SV2C: variants seen among roughly 807,000 people sequenced by gnomAD.
SV2C encodes solute carrier family 22 member B3.
Under a neutral mutation model 79.7 loss-of-function variants are expected in SV2C, and 49 were observed. That is an observed-to-expected ratio of 0.61 (90% confidence interval 0.49 to 0.78). The LOEUF is 0.78. Among genes scored for constraint, SV2C ranks in the 30% least tolerant of loss-of-function variants. SV2C has a pLI of 0.00. For missense variants in SV2C, 833 were observed against 912.9 expected (o/e 0.91, Z 1.13); for synonymous variants, 334 against 333.2 (o/e 1.00, Z -0.03).
chr5:76,058,112 G>C, the SV2C span, among the ~76,000 whole-genome samples: 1 of 152,062 alleles, frequency 6.6e-6, no homozygotes, highest in South Asian at 2.1e-4. Context: ...ACTTTGAGCT[G>C]TGTCTTATGT....
the SV2C span, among the ~76,000 whole-genome samples, chr5:75,969,832 A>T: frequency 6.6e-6 from 1 of 152,102 alleles, no homozygotes; most frequent in African/African-American, 2.4e-5. Flanking sequence ...CCTAATAGAC[A>T]TCTATAGAAC....
the SV2C span, among the ~76,000 whole-genome samples, chr5:75,928,949 G>A: frequency 6.6e-6 from 1 of 152,224 alleles, no homozygotes; most frequent in East Asian, 1.9e-4. Flanking sequence ...GACAGGAAGG[G>A]GAGAATAATT....
the SV2C span, among the ~76,000 whole-genome samples, chr5:75,919,827 C>A: frequency 6.6e-6 from 1 of 152,212 alleles, no homozygotes; most frequent in African/African-American, 2.4e-5. Flanking sequence ...GTACAGCATT[C>A]TCATTGTCTT....
At chr5:76,246,948 A>T (rs1561282079) in intron 4 of SV2C, among the ~76,000 whole-genome samples, 1 of 152,192 alleles carries the variant, frequency 6.6e-6, no homozygotes, top group Non-Finnish European at 1.5e-5. Flanking sequence ...GATGGATGGT[A>T]TGGGTGGAGG....
chr5:76,192,112 T>TA (rs1229613335), intron 2 of SV2C, among the ~76,000 whole-genome samples: 4 of 152,222 alleles, frequency 2.6e-5, no homozygotes, highest in East Asian at 1.9e-4. Flanking sequence ...AACATGTATT[T>TA]AAAAAAATAC....
the SV2C span, among the ~76,000 whole-genome samples, chr5:75,970,590 C>T: frequency 6.6e-6 from 1 of 152,094 alleles, no homozygotes; most frequent in Admixed American, 6.5e-5. Flanking sequence ...TGGATAAATT[C>T]CTCGACACAT....
intron 1 of SV2C, among the ~76,000 whole-genome samples, chr5:76,118,478 G>T (rs899515991): frequency 2.0e-5 from 3 of 152,098 alleles, no homozygotes; most frequent in African/African-American, 4.8e-5. Context: ...AATGGGAAAA[G>T]GATAAAAGAT....
intron 2 of SV2C, among the ~76,000 whole-genome samples, chr5:76,132,706 T>G (rs1748941884): frequency 6.6e-6 from 1 of 152,176 alleles, no homozygotes; most frequent in Non-Finnish European, 1.5e-5. Flanking sequence ...CTGTTATATT[T>G]AACACTTTTC....
the SV2C span, among the ~76,000 whole-genome samples, chr5:76,002,033 A>G: frequency 6.6e-6 from 1 of 151,940 alleles, no homozygotes; most frequent in African/African-American, 2.4e-5. Flanking sequence ...CCCACTTATA[A>G]GTGAGAACGT....
At chr5:76,175,161 C>T (rs949829902) in intron 2 of SV2C, among the ~76,000 whole-genome samples, 1 of 152,208 alleles carries the variant, frequency 6.6e-6, no homozygotes, top group African/African-American at 2.4e-5. Context: ...CCTACGCTGG[C>T]CTGGTGTTTA....
At chr5:75,995,746 A>G in the SV2C span, among the ~76,000 whole-genome samples, 5 of 152,112 alleles carry the variant, frequency 3.3e-5, no homozygotes, top group Admixed American at 6.6e-5. Context: ...TCCAACTGTT[A>G]TAAGCTTTAA....
At chr5:76,301,031 A>T in intron 11 of SV2C, 99 bp downstream of exon 11, 1 of 1,310,978 alleles carries the variant, frequency 7.6e-7, no homozygotes, top group Non-Finnish European at 1.1e-6. Flanking sequence ...TTTGCATCCA[A>T]TAAGGAGAAA....
At chr5:76,062,048 G>A in the SV2C span, among the ~76,000 whole-genome samples, 1 of 151,986 alleles carries the variant, frequency 6.6e-6, no homozygotes, top group Non-Finnish European at 1.5e-5. Context: ...GGGTATAGTA[G>A]CTTAGTGACC....
intron 2 of SV2C, among the ~76,000 whole-genome samples, chr5:76,171,589 A>G (rs1324269572): frequency 1.5e-5 from 2 of 136,028 alleles, no homozygotes; most frequent in African/African-American, 2.7e-5. Context: ...CCGGGCAGCC[A>G]CCCCGTCCAG....
At chr5:76,338,897 T>G (rs1398977844), downstream of SV2C, among the ~76,000 whole-genome samples, 1 of 152,080 alleles carries the variant, frequency 6.6e-6, no homozygotes, top group Non-Finnish European at 1.5e-5. Flanking sequence ...CCTCAGGTGA[T>G]CCAACCGCCT....
chr5:75,870,370 T>C, the SV2C span, among the ~76,000 whole-genome samples: 1 of 151,710 alleles, frequency 6.6e-6, no homozygotes, highest in African/African-American at 2.4e-5. Flanking sequence ...TTTCACATAG[T>C]AAACAATGCA....
chr5:75,849,022 C>T, the SV2C span, among the ~76,000 whole-genome samples: 4 of 152,238 alleles, frequency 2.6e-5, no homozygotes, highest in Admixed American at 2.6e-4. Flanking sequence ...CCTTGACCTC[C>T]AGTGCTCTTC....
At chr5:76,039,229 G>A in the SV2C span, among the ~76,000 whole-genome samples, 1 of 152,124 alleles carries the variant, frequency 6.6e-6, no homozygotes, top group Non-Finnish European at 1.5e-5. Flanking sequence ...ACTGTTGCCC[G>A]TGACTTGGTT....
At chr5:75,876,885 G>A in the SV2C span, among the ~76,000 whole-genome samples, 1 of 151,464 alleles carries the variant, frequency 6.6e-6, no homozygotes, top group Non-Finnish European at 1.5e-5. Context: ...GAGAAGTGGA[G>A]GAGGAAAAAA....
Sources: gnomAD v4.1 joint callset for allele counts (sites outside exome capture counted in the v4.1 genomes callset) on GRCh38, gnomAD v4.1.1 for gene constraint, MANE v1.5 for transcripts, NCBI Gene and HGNC (gene_info 2026-07-23, HGNC 2026-07-21) for gene names.